Variants in A4GNT observed in about 807,000 individuals in gnomAD.
The protein encoded by A4GNT is alpha-1,4-N-acetylglucosaminyltransferase.
Under a neutral mutation model 8.3 loss-of-function variants are expected in A4GNT, and 6 were observed. The observed-to-expected ratio is 0.72, with a 90% CI of 0.39 to 1.42. The LOEUF is 1.42. Ranked by LOEUF, A4GNT falls within the 40% of genes most tolerant of loss-of-function variation. A4GNT has a pLI of 0.02. For missense variants in A4GNT, 377 were observed against 417.0 expected (o/e 0.90, Z 0.84); for synonymous variants, 157 against 159.8 (o/e 0.98, Z 0.13).
chr3:138,125,220 G>A (rs993755863), intron 2 of A4GNT, among the ~76,000 whole-genome samples: 13 of 152,018 alleles, frequency 8.6e-5, no homozygotes, highest in Non-Finnish European at 1.8e-4. Flanking sequence ...TCTTCAACGT[G>A]GGTGTACATA....
In A4GNT at chr3:138,124,684, G is replaced by A. The variant is rs758069750; in HGVS notation, c.603C>T (p.His201=). 6.2e-7 allele frequency: 1 copy of A among 1,614,236 alleles called. No individual in the cohort carries two copies. Among genetic ancestry groups the A allele is most frequent in the Middle Eastern group, 1.6e-4 (1 of 6,062 alleles). ...SNGIFGFLPH[H]PFLWECMENF... The stretch of plus-strand genomic sequence containing the variant: ...TTTCCATGCATTCCCACAAAAAGGG[G>A]TGGTGGGGGAGGAACCCAAATATTC... Residue 201 remains histidine, a synonymous_variant, in exon 3 of 3, where the codon CAC becomes CAT. Coordinates refer to ENST00000236709, the MANE Select transcript of A4GNT (RefSeq NM_016161.3).
chr3:138,129,282 G>A (rs767730226), intron 2 of A4GNT, among the ~76,000 whole-genome samples: 5 of 152,196 alleles, frequency 3.3e-5, no homozygotes, highest in African/African-American at 4.8e-5. Flanking sequence ...GGAACCTTAA[G>A]ATGGGGAGAG....
chr3:138,127,607 A>G, intron 2 of A4GNT, among the ~76,000 whole-genome samples: 1 of 151,632 alleles, frequency 6.6e-6, no homozygotes, highest in Non-Finnish European at 1.5e-5. Flanking sequence ...TAAGCGCTCC[A>G]ATAAGGATGA....
At chr3:138,127,538 C>A (rs2042753278) in intron 2 of A4GNT, among the ~76,000 whole-genome samples, 1 of 150,778 alleles carries the variant, frequency 6.6e-6, no homozygotes, top group East Asian at 1.9e-4. Flanking sequence ...CACGCCACTG[C>A]ACTCCAGCCT....
intron 2 of A4GNT, among the ~76,000 whole-genome samples, chr3:138,129,908 G>A (rs1299481815): frequency 4.6e-5 from 7 of 152,154 alleles, no homozygotes; most frequent in East Asian, 1.9e-4. Context: ...GAGACTACAG[G>A]TGCATGCCAG....
In A4GNT at chr3:138,124,709, C is replaced by T. The variant is rs777813994; in HGVS notation, c.578G>A (p.Gly193Glu). Residue 193 changes from glycine to glutamate, a missense_variant, in exon 3 of 3, where the codon GGA becomes GAA. Physicochemically the swap from Gly to Glu is moderately conservative, Grantham distance 98 (BLOSUM62 -2). Transcript: ENST00000236709. ...GTGGTGGGGGAGGAACCCAAATATT[C>T]CATTACTAGAGTACCGAGAAGCCTG... ...AAQASRYSSN[G>E]IFGFLPHHPF... The T allele has an allele frequency of 1.2e-6, 2 of 1,614,206 alleles. No homozygotes were observed. Among genetic ancestry groups the T allele is most frequent in the South Asian group, 1.1e-5 (1 of 91,070 alleles).
At chr3:138,126,375 T>TTTTG in intron 2 of A4GNT, among the ~76,000 whole-genome samples, 3 of 151,482 alleles carry the variant, frequency 2.0e-5, no homozygotes, top group Non-Finnish European at 2.9e-5. Flanking sequence ...AAGCAAAATG[T>TTTTG]TTTGTTTGTT....
At chr3:138,132,855 A>G (rs1437022648), upstream of A4GNT, among the ~76,000 whole-genome samples, 1 of 152,228 alleles carries the variant, frequency 6.6e-6, no homozygotes, top group Non-Finnish European at 1.5e-5. Context: ...TAGAATGAGA[A>G]GTGATTCCCC....
chr3:138,131,610 A>G (rs1408208319), intron 1 of A4GNT, among the ~76,000 whole-genome samples: 4 of 152,178 alleles, frequency 2.6e-5, no homozygotes, highest in Non-Finnish European at 4.4e-5. Context: ...AGAAAGAAAA[A>G]TGCATCATAA....
rs765438160 is a variant in A4GNT, at chr3:138,124,907, A to C, written c.409-29T>G. The C allele has an allele frequency of 5.4e-5, 86 of 1,595,454 alleles. 2 individuals are homozygous for C. In the Middle Eastern group the frequency reaches 3.4e-3, roughly 63 times the overall value. ...CAGGAGCAGGTGCAAATCAGCCCCA[A>C]GTAGCCAGGGGAAGAGGGAGGGGCA... is the stretch of plus-strand genomic sequence containing the variant. On this transcript the variant is annotated intron_variant, in intron 2 of 2. Coordinates refer to ENST00000236709, the MANE Select transcript of A4GNT (RefSeq NM_016161.3).
chr3:138,124,443 T>A lies in A4GNT; in HGVS notation c.844A>T (p.Asn282Tyr). ...CACAAATGCAGGGCATAAGAGACAT[T>A]GAAGCTTGGCTCTGTATCCCACACT... ...YEVWDTEPSF[N>Y]VSYALHLWNH... Residue 282 changes from asparagine to tyrosine, a missense_variant, in exon 3 of 3, where the codon AAT (asparagine) becomes TAT (tyrosine). Coordinates refer to ENST00000236709, the MANE Select transcript of A4GNT (RefSeq NM_016161.3). 1 of 1,614,192 alleles carries A rather than the reference T, an allele frequency of 6.2e-7. No individual in the cohort carries two copies. Among genetic ancestry groups the A allele is most frequent in the East Asian group, 2.2e-5 (1 of 44,872 alleles).
At chr3:138,129,781 A>C (rs2042765592) in intron 2 of A4GNT, among the ~76,000 whole-genome samples, 1 of 152,188 alleles carries the variant, frequency 6.6e-6, no homozygotes, top group African/African-American at 2.4e-5. Context: ...TGTGGCAAGC[A>C]AATAGTATTA....
rs1434025597 is a variant in A4GNT at position 138,124,218 on chromosome 3, G to A, written c.*46C>T. The A allele has an allele frequency of 6.4e-7, 1 of 1,571,180 alleles. No individual in the cohort carries two copies. Among genetic ancestry groups the A allele is most frequent in the Non-Finnish European group, 8.6e-7 (1 of 1,156,670 alleles). ...ATCAAGTGAAAATGTGGCACTCCAGGAAATGTCCATTTCCACACTGCAGCA... is the reference window on the plus strand; with the variant it reads ...ATCAAGTGAAAATGTGGCACTCCAGAAAATGTCCATTTCCACACTGCAGCA... On this transcript the variant is annotated 3_prime_UTR_variant, in exon 3 of 3. Coordinates refer to ENST00000236709, the MANE Select transcript of A4GNT (RefSeq NM_016161.3).
chr3:138,130,060 TTG>T (rs2042767108), intron 2 of A4GNT, among the ~76,000 whole-genome samples: 1 of 152,184 alleles, frequency 6.6e-6, no homozygotes, highest in Non-Finnish European at 1.5e-5. Context: ...CCTACTATTA[TTG>T]TGTGTTGTAG....
At chr3:138,129,735 G>A in intron 2 of A4GNT, among the ~76,000 whole-genome samples, 1 of 152,168 alleles carries the variant, frequency 6.6e-6, no homozygotes, top group Middle Eastern at 3.2e-3. Flanking sequence ...GGTAATATTT[G>A]CTACAGCCTA....
Position 138,124,371 on chromosome 3 carries a change from T to C in A4GNT, c.916A>G (p.Thr306Ala), listed in dbSNP as rs554487175. The change falls in exon 3 of 3, where the codon ACA (threonine) becomes GCA (alanine). Residue 306 changes from threonine to alanine, a missense_variant. Coordinates refer to ENST00000236709, the MANE Select transcript of A4GNT (RefSeq NM_016161.3). ...EGRAVIRGSN[T>A]LVENLYRKHC... ...TTGCGATAGAGATTTTCCACCAGTGTGTTGCTTCCTCTAATCACAGCCCGC... is the reference window on the plus strand; with the variant it reads ...TTGCGATAGAGATTTTCCACCAGTGCGTTGCTTCCTCTAATCACAGCCCGC... 325 of 1,614,246 alleles carry C rather than the reference T, an allele frequency of 2.0e-4. 2 individuals are homozygous for C. The South Asian group carries it at 3.2e-3, about 16-fold the overall frequency.
chr3:138,128,295 G>A (rs913317109), intron 2 of A4GNT, among the ~76,000 whole-genome samples: 1 of 152,028 alleles, frequency 6.6e-6, no homozygotes, highest in African/African-American at 2.4e-5. Flanking sequence ...TCTGAGACTG[G>A]GTAATTTATA....
At position 138,124,054 on chromosome 3, in the gene A4GNT, G is replaced by T; in HGVS notation, c.*210C>A. On this transcript the variant is annotated 3_prime_UTR_variant, in exon 3 of 3. Coordinates refer to ENST00000236709, the MANE Select transcript of A4GNT (RefSeq NM_016161.3). Reference sequence around the variant, plus strand: ...GAAATGCAAACATGGTGGGTTGGAGGTCAAGCAGTCAAATGGACCATGGGT... The same window carrying T: ...GAAATGCAAACATGGTGGGTTGGAGTTCAAGCAGTCAAATGGACCATGGGT... 1 of 593,026 alleles carries T rather than the reference G, an allele frequency of 1.7e-6. No individual in the cohort carries two copies. The highest frequency in any genetic ancestry group is 2.8e-6 in the Non-Finnish European group (1 of 359,390). 36.7% of individuals were successfully genotyped at this position (593,026 alleles called of 1,614,324 possible).
At position 138,124,188 on chromosome 3, in the gene A4GNT, T is replaced by A. The variant is rs1208074211; in HGVS notation, c.*76A>T. ...CTCTGCCCACCCCGCCAAGAGACAG[T>A]GGAGATCAAGTGAAAATGTGGCACT... is the stretch of plus-strand genomic sequence containing the variant. On this transcript the variant is annotated 3_prime_UTR_variant, in exon 3 of 3. Transcript: ENST00000236709. 8.5e-6 allele frequency: 13 copies of A among 1,530,354 alleles called. No individual in the cohort carries two copies. The East Asian group carries it at 2.9e-4, about 35-fold the overall frequency. The allele number at this position is 1,530,354 out of a possible 1,614,324, so 94.8% of individuals were successfully genotyped here. A position where few individuals can be genotyped will look rare whatever the true frequency, so the allele number is the denominator to read the frequency against.
Sources: allele counts gnomAD v4.1 joint callset (sites outside exome capture counted in the v4.1 genomes callset), GRCh38; gene constraint gnomAD v4.1.1; transcripts MANE v1.5; gene names NCBI Gene and HGNC (gene_info 2026-07-23, HGNC 2026-07-21).